PREX2: variants seen among roughly 807,000 people sequenced by gnomAD.
PREX2 encodes the protein phosphatidylinositol-3,4,5-trisphosphate dependent Rac exchange factor 2.
A neutral mutation model predicts 203.2 loss-of-function variants in PREX2; 107 were observed. That is an observed-to-expected ratio of 0.53 (90% CI 0.45 to 0.62). The LOEUF is 0.62. PREX2 is among the 20% of genes least tolerant of loss of function. The probability of loss-of-function intolerance (pLI) is 0.00; values close to 1 mark genes in which losing one functional copy is unlikely to be tolerated. For missense variants in PREX2, 1,777 were observed against 1,955.9 expected (o/e 0.91, Z 1.72); for synonymous variants, 672 against 663.6 (o/e 1.01, Z -0.19).
intron 33 of PREX2, 152 bp from the exon 34 acceptor site, chr8:68,146,057 A>G: frequency 1.8e-6 from 1 of 566,772 alleles, no homozygotes; most frequent in East Asian, 2.9e-5. Flanking sequence ...TTCACTGAAT[A>G]GCACTGTATG....
intron 1 of PREX2, among the ~76,000 whole-genome samples, chr8:68,004,127 G>C (rs187525421): frequency 2.8e-3 from 427 of 152,280 alleles, no homozygotes; most frequent in African/African-American, 9.7e-3. Context: ...GGCAGTGAGA[G>C]AGCTGGAGCT....
rs554578875 is a variant in PREX2, at chr8:68,030,024, T to C, written c.544-473T>C. ...TGTAGTATAAGACATTATTTTAAAA[T>C]TTTACTTTGTTTATGACATAGTTTT... On this transcript the variant is annotated intron_variant, in intron 5 of 39. Transcript: ENST00000288368. Among the ~76,000 whole-genome samples, 5 of 152,228 alleles carry C rather than the reference T, an allele frequency of 3.3e-5. No homozygotes were observed. The South Asian group carries it at 1.0e-3, about 32-fold the overall frequency.
At chr8:68,162,631 A>C (rs1811678228) in intron 35 of PREX2, among the ~76,000 whole-genome samples, 1 of 152,160 alleles carries the variant, frequency 6.6e-6, no homozygotes, top group Non-Finnish European at 1.5e-5. Context: ...CTGAATTTCC[A>C]CACCAAGTAC....
chr8:68,078,161 T>TTTTA (rs1195911191), intron 15 of PREX2, among the ~76,000 whole-genome samples: 8 of 152,122 alleles, frequency 5.3e-5, no homozygotes, highest in Non-Finnish European at 1.0e-4. Context: ...GTCTCTCTCT[T>TTTTA]TTTATTTATT....
chr8:68,211,955 C>T (rs1271462971), intron 37 of PREX2, among the ~76,000 whole-genome samples: 1 of 152,136 alleles, frequency 6.6e-6, no homozygotes, highest in African/African-American at 2.4e-5. Context: ...TAGTAAATTA[C>T]TTTGGTAATT....
intron 1 of PREX2, among the ~76,000 whole-genome samples, chr8:67,991,519 A>G (rs1384131486): frequency 6.6e-6 from 1 of 152,148 alleles, no homozygotes; most frequent in Non-Finnish European, 1.5e-5. Flanking sequence ...ACAAGGTGGG[A>G]GGAAGGAGAA....
chr8:68,203,159 G>A (rs957814430), intron 37 of PREX2, among the ~76,000 whole-genome samples: 1 of 152,094 alleles, frequency 6.6e-6, no homozygotes, highest in Non-Finnish European at 1.5e-5. Flanking sequence ...CAGCAGAACG[G>A]GCTCAGTGCC....
intron 31 of PREX2, 41 bp downstream of exon 31, chr8:68,127,460 T>C (rs2129613251): frequency 1.4e-6 from 2 of 1,464,112 alleles, no homozygotes; most frequent in East Asian, 2.3e-5. Context: ...ATTTAAGTGA[T>C]TGTGGCCCAG....
chr8:68,068,894 G>T, intron 11 of PREX2, 139 bp from the exon 12 acceptor site: 1 of 436,726 alleles, frequency 2.3e-6, no homozygotes, highest in Non-Finnish European at 4.0e-6. Flanking sequence ...AATTGGTATT[G>T]CTGTGTTAGA....
intron 38 of PREX2, among the ~76,000 whole-genome samples, chr8:68,220,021 A>G (rs890408937): frequency 3.3e-5 from 5 of 152,008 alleles, no homozygotes; most frequent in African/African-American, 1.2e-4. Context: ...GTATTATGAT[A>G]TATTAGAGAA....
intron 1 of PREX2, among the ~76,000 whole-genome samples, chr8:68,016,892 A>G (rs1057152977): frequency 9.8e-5 from 15 of 152,314 alleles, no homozygotes; most frequent in South Asian, 2.1e-4. Context: ...AGGAGTATAG[A>G]CATGAGCCAC....
In PREX2 at chr8:68,196,839, G is replaced by A. The variant is rs537575716; in HGVS notation, c.4604+4314G>A. ...AGGCCTCCCCAGAGGCAGAAACCAC[G>A]TTTCCCATGCAGCCTACAGAACCAT... On this transcript the variant is annotated intron_variant, in intron 37 of 39. Transcript: ENST00000288368. Among the ~76,000 whole-genome samples, 24 of 152,026 alleles carry A rather than the reference G, an allele frequency of 1.6e-4. No individual in the cohort carries two copies. The South Asian group carries it at 2.5e-3, about 16-fold the overall frequency.
Position 68,115,771 on chromosome 8 carries a change from A to G in PREX2, c.3165A>G (p.Thr1055=), listed in dbSNP as rs944770619. The G allele has an allele frequency of 1.9e-6, 3 of 1,609,010 alleles. No homozygotes were observed. Among genetic ancestry groups the G allele is most frequent in the African/African-American group, 2.7e-5 (2 of 74,650 alleles). Residue 1055 remains threonine, a synonymous_variant, in exon 26 of 40, where the codon ACA becomes ACG. Coordinates refer to ENST00000288368, the MANE Select transcript of PREX2 (RefSeq NM_024870.4). ...CQIDDLLSSI[T]YSPKLERKTS... ...ATTGCAGCCTTCTGTCTTCAATAACATATTCTCCTAAATTAGAACGTAAGA... is the reference window on the plus strand; with the variant it reads ...ATTGCAGCCTTCTGTCTTCAATAACGTATTCTCCTAAATTAGAACGTAAGA...
chr8:68,095,247 C>G (rs1810022569), intron 21 of PREX2, among the ~76,000 whole-genome samples: 1 of 152,074 alleles, frequency 6.6e-6, no homozygotes, highest in South Asian at 2.1e-4. Context: ...TAAACTTGAA[C>G]TCTAGCCTCT....
intron 25 of PREX2, among the ~76,000 whole-genome samples, chr8:68,110,163 G>A (rs1041458353): frequency 6.6e-6 from 1 of 152,148 alleles, no homozygotes. Flanking sequence ...TTAACCAAGA[G>A]AAGGTGGAGG....
Position 68,232,996 on chromosome 8 carries a change from A to G in PREX2, c.*1618A>G, listed in dbSNP as rs1381287307. ...AAACCTTTATCATTAACCATTATGT[A>G]TTGAATAACAAAAATACCATGTTAC... On this transcript the variant is annotated 3_prime_UTR_variant, in exon 40 of 40. Transcript: ENST00000288368. The G allele has an allele frequency of 6.6e-6, 1 of 152,188 alleles. No individual in the cohort carries two copies. Among genetic ancestry groups the G allele is most frequent in the Non-Finnish European group, 1.5e-5 (1 of 68,028 alleles). The allele number at this position is 152,188 out of a possible 1,614,324, so 9.4% of individuals were successfully genotyped here.
At chr8:68,018,041 C>T (rs564635768) in intron 2 of PREX2, 124 bp downstream of exon 2, 1 of 701,414 alleles carries the variant, frequency 1.4e-6, no homozygotes, top group East Asian at 2.7e-5. Flanking sequence ...CTGTTCCAGT[C>T]AGTTGTATTG....
At chr8:68,046,304 G>C (rs1808349101) in intron 8 of PREX2, among the ~76,000 whole-genome samples, 1 of 151,988 alleles carries the variant, frequency 6.6e-6, no homozygotes, top group Admixed American at 6.6e-5. Context: ...TATGATTACT[G>C]TGCTTTTGGG....
intron 34 of PREX2, among the ~76,000 whole-genome samples, chr8:68,149,119 A>G (rs868695336): frequency 2.6e-5 from 4 of 152,224 alleles, no homozygotes; most frequent in African/African-American, 9.6e-5. Context: ...GAAATTTACT[A>G]AAGTCAACCC....
Sources: allele counts gnomAD v4.1 joint callset (sites outside exome capture counted in the v4.1 genomes callset), GRCh38; gene constraint gnomAD v4.1.1; transcripts MANE v1.5; gene names NCBI Gene and HGNC (gene_info 2026-07-23, HGNC 2026-07-21).